SUSD5: variants seen among roughly 807,000 people sequenced by gnomAD.
SUSD5 encodes sushi domain-containing protein 5.
SUSD5 carries 33 observed loss-of-function variants against 29.5 expected under a neutral mutation model. The ratio of observed to expected loss-of-function variants is 1.12; its 90% CI spans 0.85 to 1.49. The LOEUF (loss-of-function observed/expected upper bound fraction) is 1.49. Among genes scored for constraint, SUSD5 ranks in the 40% most tolerant of loss-of-function variants. The pLI is 0.00. For missense variants in SUSD5, 776 were observed against 800.6 expected (o/e 0.97, Z 0.37); for synonymous variants, 308 against 325.3 (o/e 0.95, Z 0.57).
intron 3 of SUSD5, among the ~76,000 whole-genome samples, chr3:33,186,529 C>T (rs1455444706): frequency 2.6e-4 from 39 of 151,238 alleles, no homozygotes; most frequent in East Asian, 1.4e-3. Flanking sequence ...CCGGTTCAAG[C>T]GATTCTCCTG....
At position 33,152,419 on chromosome 3, in the gene SUSD5, C is replaced by CAA. The variant is rs370617432; in HGVS notation, c.*321_*322dup. 45 of 222,282 alleles carry CAA rather than the reference C, an allele frequency of 2.0e-4. No individual in the cohort carries two copies. The highest frequency in any genetic ancestry group is 3.6e-4 in the African/African-American group (15 of 41,452). 13.8% of individuals were successfully genotyped at this position (222,282 alleles called of 1,614,324 possible). On this transcript the variant is annotated 3_prime_UTR_variant, in exon 5 of 5. Transcript: ENST00000309558. ...TGGGCAACAGCATGAGACTCTGTCT[C>CAA]AAAAAAAAAAAGATAATACTGTGAT...
chr3:33,174,852 G>T, intron 4 of SUSD5, 34 bp downstream of exon 4: 1 of 1,608,472 alleles, frequency 6.2e-7, no homozygotes, highest in South Asian at 1.1e-5. Flanking sequence ...CACTGCGTGG[G>T]CACGCGAAGG....
At chr3:33,159,422 G>T (rs9824800) in intron 4 of SUSD5, among the ~76,000 whole-genome samples, 3,158 of 152,118 alleles carry the variant, frequency 0.021, 101 homozygotes, top group African/African-American at 0.071. Flanking sequence ...TGTCTCTTAT[G>T]CCCACACCCC....
chr3:33,206,417 G>GTT (rs2032219995), intron 3 of SUSD5, among the ~76,000 whole-genome samples: 2 of 7,914 alleles, frequency 2.5e-4, no homozygotes, highest in Admixed American at 3.3e-3. Flanking sequence ...ACTTGAGTGT[G>GTT]TGTGTGTGTG....
At chr3:33,199,214 T>TCACACA (rs35522769) in intron 3 of SUSD5, among the ~76,000 whole-genome samples, 1,887 of 147,972 alleles carry the variant, frequency 0.013, 43 homozygotes, top group East Asian at 0.12. Flanking sequence ...GGGGAGAATT[T>TCACACA]CACACACACA....
In SUSD5 at chr3:33,150,336, TA is replaced by T. The variant is rs2030841566; in HGVS notation, c.*2405del. 1 of 152,150 alleles carries T rather than the reference TA, an allele frequency of 6.6e-6. No homozygotes were observed. Among genetic ancestry groups the T allele is most frequent in the Non-Finnish European group, 1.5e-5 (1 of 68,016 alleles). 9.4% of individuals were successfully genotyped at this position (152,150 alleles called of 1,614,324 possible). A position where few individuals can be genotyped will look rare whatever the true frequency, so the allele number is the denominator to read the frequency against. ...TATTAATAATTTGTAATAAATTTAT[TA>T]ATACACTGTATTAATAATTTGTAAT... On this transcript the variant is annotated 3_prime_UTR_variant, in exon 5 of 5. Transcript: ENST00000309558.
Position 33,167,718 on chromosome 3 carries a change from T to C in SUSD5, c.598+7168A>G, listed in dbSNP as rs1575530331. Among the ~76,000 whole-genome samples the C allele has an allele frequency of 6.6e-6, 1 of 152,184 alleles. No homozygotes were observed. The highest frequency in any genetic ancestry group is 1.5e-5 in the Non-Finnish European group (1 of 68,026). On this transcript the variant is annotated intron_variant, in intron 4 of 4. Transcript: ENST00000309558. The surrounding 1 kb of genome is among the most constrained non-coding windows in gnomAD (Gnocchi z 4.1). ...TATCCAAAGCTTATTTTTCTCCCCA[T>C]GGGGAACAGTAACATTTGTTATTCA...
intron 4 of SUSD5, among the ~76,000 whole-genome samples, chr3:33,163,616 C>T (rs1288210968): frequency 3.3e-5 from 5 of 152,122 alleles, no homozygotes; most frequent in Admixed American, 2.6e-4. Context: ...AATCCCAGCA[C>T]TTTGGGAGGC....
Position 33,218,788 on chromosome 3 carries a change from C to G in SUSD5, c.10G>C (p.Glu4Gln). The G allele has an allele frequency of 6.9e-7, 1 of 1,443,996 alleles. No individual in the cohort carries two copies. 89.4% of individuals were successfully genotyped at this position (1,443,996 alleles called of 1,614,324 possible). A position where few individuals can be genotyped will look rare whatever the true frequency, so the allele number is the denominator to read the frequency against. MTA[E>Q]GPSPPARWHR... ...CAACGGGCAGGCGGGCTGGGTCCCT[C>G]GGCAGTCATGGTCCGGGAGTGCGCG... is the stretch of plus-strand genomic sequence containing the variant. The change falls in exon 1 of 5, where the codon GAG (glutamate) becomes CAG (glutamine). Residue 4 changes from glutamate (E) to glutamine (Q), a missense_variant. Physicochemically the swap from Glu to Gln is conservative, Grantham distance 29. Transcript: ENST00000309558.
intron 4 of SUSD5, among the ~76,000 whole-genome samples, chr3:33,165,239 T>A (rs1408039513): frequency 6.6e-6 from 1 of 152,152 alleles, no homozygotes; most frequent in Non-Finnish European, 1.5e-5. Context: ...ACAGACATAA[T>A]GTTGGGCAAA....
At chr3:33,177,986 C>T (rs1167998393) in intron 3 of SUSD5, among the ~76,000 whole-genome samples, 2 of 151,472 alleles carry the variant, frequency 1.3e-5, no homozygotes, top group African/African-American at 2.4e-5. Context: ...ATTGTATTAG[C>T]TAGGATTTCC....
chr3:33,151,052 CCTGA>C lies in SUSD5; in HGVS notation c.*1686_*1689del, dbSNP rs1235397126. The C allele has an allele frequency of 6.6e-6, 1 of 152,288 alleles. No individual in the cohort carries two copies. The highest frequency in any genetic ancestry group is 1.5e-5 in the Non-Finnish European group (1 of 68,042). 9.4% of individuals were successfully genotyped at this position (152,288 alleles called of 1,614,324 possible). ...GCCACCTCAGCTGCACACAGCCATG[CCTGA>C]CTTCCACACAACACACACCACATAC... is the stretch of plus-strand genomic sequence containing the variant. On this transcript the variant is annotated 3_prime_UTR_variant, in exon 5 of 5. Transcript: ENST00000309558.
chr3:33,206,412 AGTGTGTGTGT>A (rs5847777), intron 3 of SUSD5, among the ~76,000 whole-genome samples: 29,890 of 148,576 alleles, frequency 0.2, 3,652 homozygotes, highest in East Asian at 0.4. Context: ...AATTTACTTG[AGTGTGTGTGT>A]GTGTGTGTGT....
At chr3:33,202,360 T>A (rs930920073) in intron 3 of SUSD5, among the ~76,000 whole-genome samples, 2 of 152,194 alleles carry the variant, frequency 1.3e-5, no homozygotes, top group Non-Finnish European at 2.9e-5. Context: ...AATTAGCTAC[T>A]CTCAAAAATT....
chr3:33,209,409 T>C (rs997711234), intron 2 of SUSD5, among the ~76,000 whole-genome samples: 3 of 152,138 alleles, frequency 2.0e-5, no homozygotes, highest in African/African-American at 7.2e-5. Context: ...ATTCAAATCA[T>C]ATTACATCTT....
chr3:33,218,573 G>C (rs2032466525), intron 1 of SUSD5, 113 bp downstream of exon 1: 1 of 979,732 alleles, frequency 1.0e-6, no homozygotes, highest in Non-Finnish European at 1.3e-6. Flanking sequence ...TTCCTCTCAG[G>C]CTTGCGCTTG....
intron 3 of SUSD5, among the ~76,000 whole-genome samples, chr3:33,194,572 C>G (rs2031959014): frequency 6.6e-6 from 1 of 152,148 alleles, no homozygotes; most frequent in Non-Finnish European, 1.5e-5. Context: ...TGGTCAAGTA[C>G]TTAAAGCTTC....
At chr3:33,189,402 G>C in intron 3 of SUSD5, among the ~76,000 whole-genome samples, 1 of 150,586 alleles carries the variant, frequency 6.6e-6, no homozygotes, top group Non-Finnish European at 1.5e-5. Flanking sequence ...GCTTGAACCC[G>C]GGAGGCGGAG....
In SUSD5 at chr3:33,204,700, T is replaced by A. The variant is rs1399263676; in HGVS notation, c.409+3108A>T. Among the ~76,000 whole-genome samples the A allele has an allele frequency of 1.3e-5, 2 of 151,978 alleles. No individual in the cohort carries two copies. The highest frequency in any genetic ancestry group is 4.8e-5 in the African/African-American group (2 of 41,362). ...TCTTGCTCTGTCGCCCAGGATGGAGTGCAGTGATGTGATCTTGGCTCACTG... is the reference window on the plus strand; with the variant it reads ...TCTTGCTCTGTCGCCCAGGATGGAGAGCAGTGATGTGATCTTGGCTCACTG... On this transcript the variant is annotated intron_variant, in intron 3 of 4. Coordinates refer to ENST00000309558, the MANE Select transcript of SUSD5 (RefSeq NM_015551.2). The surrounding 1 kb of genome is among the most constrained non-coding windows in gnomAD (Gnocchi z 4.5).
Sources: allele counts gnomAD v4.1 joint callset (sites outside exome capture counted in the v4.1 genomes callset), GRCh38; gene constraint gnomAD v4.1.1; non-coding constraint Gnocchi (gnomAD v3.1); transcripts MANE v1.5; gene names NCBI Gene and HGNC (gene_info 2026-07-23, HGNC 2026-07-21).